The following SDK1 variants were observed in gnomAD, a reference collection of about 807,000 sequenced individuals.
SDK1 encodes the protein protein sidekick-1.
A neutral mutation model predicts 245.5 loss-of-function variants in SDK1; 157 were observed. The observed-to-expected ratio is 0.64, with a 90% CI of 0.56 to 0.73. The LOEUF is 0.73. Ranked by LOEUF, SDK1 falls within the 30% of genes least tolerant of loss-of-function variation. SDK1 has a pLI of 0.00. For missense variants in SDK1, 3,583 were observed against 3,002.3 expected, an observed-to-expected ratio of 1.19 and a Z score of -4.52; for synonymous variants, 1,647 against 1,278.5, an observed-to-expected ratio of 1.29 and a Z score of -6.15.
At chr7:3,751,111 C>T (rs1779761262) in intron 4 of SDK1, among the ~76,000 whole-genome samples, 1 of 152,158 alleles carries the variant, frequency 6.6e-6, no homozygotes, top group Non-Finnish European at 1.5e-5. Context: ...TGTTGTTGGT[C>T]CCACTCTTCC....
intron 1 of SDK1, among the ~76,000 whole-genome samples, chr7:3,414,426 C>T (rs908502614): frequency 6.6e-6 from 1 of 151,982 alleles, no homozygotes; most frequent in Non-Finnish European, 1.5e-5. Context: ...GAGCATCCAG[C>T]GAAGGTGGGT....
intron 4 of SDK1, among the ~76,000 whole-genome samples, chr7:3,775,172 A>G (rs1283613584): frequency 6.6e-6 from 1 of 152,242 alleles, no homozygotes. Context: ...GGTTTTCAGT[A>G]AATAAAGTTC....
intron 42 of SDK1, among the ~76,000 whole-genome samples, chr7:4,240,933 T>G (rs541546317): frequency 1.3e-5 from 2 of 152,286 alleles, no homozygotes; most frequent in South Asian, 4.1e-4. Flanking sequence ...ACGCGGGGGT[T>G]TGCAGGGTGG....
chr7:3,485,127 A>G (rs1781643551), intron 1 of SDK1, among the ~76,000 whole-genome samples: 2 of 152,288 alleles, frequency 1.3e-5, no homozygotes, highest in South Asian at 2.1e-4. Flanking sequence ...CCAAGACCGT[A>G]TGAACATTCT....
At chr7:4,008,734 G>C (rs1253103738) in intron 14 of SDK1, among the ~76,000 whole-genome samples, 1 of 152,106 alleles carries the variant, frequency 6.6e-6, no homozygotes, top group Non-Finnish European at 1.5e-5. Context: ...GGAAAGGGCA[G>C]CAGGGGGAAG....
intron 5 of SDK1, among the ~76,000 whole-genome samples, chr7:3,886,028 G>A (rs373495523): frequency 6.6e-6 from 1 of 152,160 alleles, no homozygotes; most frequent in African/African-American, 2.4e-5. Flanking sequence ...AGGCGGTGCC[G>A]TGCCACAGGG....
intron 5 of SDK1, among the ~76,000 whole-genome samples, chr7:3,840,552 G>C (rs763242295): frequency 6.6e-6 from 1 of 152,166 alleles, no homozygotes; most frequent in African/African-American, 2.4e-5. Context: ...GGGGCTCCAT[G>C]TCAGCCCTCC....
intron 44 of SDK1, among the ~76,000 whole-genome samples, chr7:4,248,829 CACAT>C (rs759656323): frequency 6.6e-6 from 1 of 152,138 alleles, no homozygotes; most frequent in Non-Finnish European, 1.5e-5. Context: ...ACATGGCTCA[CACAT>C]ACTACATGCA....
At chr7:3,306,344 T>C (rs924212014) in intron 1 of SDK1, among the ~76,000 whole-genome samples, 2 of 152,192 alleles carry the variant, frequency 1.3e-5, no homozygotes, top group Admixed American at 6.5e-5. Flanking sequence ...TTTCATAACA[T>C]AACATGAATT....
At chr7:4,000,925 C>G (rs1299206026) in intron 14 of SDK1, among the ~76,000 whole-genome samples, 2 of 152,068 alleles carry the variant, frequency 1.3e-5, no homozygotes, top group African/African-American at 4.8e-5. Context: ...GAAGGGGGGA[C>G]CATGGCTGTG....
intron 1 of SDK1, among the ~76,000 whole-genome samples, chr7:3,460,553 A>T (rs1244950827): frequency 6.6e-6 from 1 of 152,198 alleles, no homozygotes; most frequent in African/African-American, 2.4e-5. Flanking sequence ...TGTCATAATA[A>T]TTTATTTACA....
rs140745957 is a variant in SDK1 at position 3,583,536 on chromosome 7, A to G, written c.299-35544A>G. 3.5e-4 allele frequency among the ~76,000 whole-genome samples: 53 copies of G among 152,346 alleles called. 1 individual carries two copies. The East Asian group carries it at 0.01, about 29-fold the overall frequency. The stretch of plus-strand genomic sequence containing the variant: ...GAGAGGTTGCATCTGTCTAGTTCAT[A>G]GCACTGATTTCTTTATCATTCACTG... On this transcript the variant is annotated intron_variant, in intron 1 of 44. Transcript: ENST00000404826.
In SDK1 at chr7:3,595,845, A is replaced by C. The variant is rs1198619270; in HGVS notation, c.299-23235A>C. On this transcript the variant is annotated intron_variant, in intron 1 of 44. Coordinates refer to ENST00000404826, the MANE Select transcript of SDK1 (RefSeq NM_152744.4). ...CTTCATCTCAAAAAAAAAAAAAAAA[A>C]AAAAAAAAAAACAACAACAAAAAAG... Among the ~76,000 whole-genome samples the C allele has an allele frequency of 8.0e-5, 12 of 150,010 alleles. 1 individual carries two copies. The highest frequency in any genetic ancestry group is 2.2e-4 in the African/African-American group (9 of 40,998).
chr7:3,540,900 C>G (rs899728644), intron 1 of SDK1, among the ~76,000 whole-genome samples: 7 of 152,216 alleles, frequency 4.6e-5, no homozygotes, highest in African/African-American at 1.7e-4. Context: ...ATATCTTCAC[C>G]ATGATAGGGT....
chr7:4,021,587 C>G (rs1473435068), intron 17 of SDK1, among the ~76,000 whole-genome samples: 3 of 152,180 alleles, frequency 2.0e-5, no homozygotes, highest in Admixed American at 1.3e-4. Context: ...TAGCACGTGC[C>G]TCAGGTCACA....
intron 5 of SDK1, among the ~76,000 whole-genome samples, chr7:3,835,983 A>C (rs1216171565): frequency 1.3e-5 from 2 of 152,256 alleles, no homozygotes; most frequent in Admixed American, 6.5e-5. Context: ...GAAAGACTTC[A>C]CAATAGCTCT....
At chr7:3,663,255 T>A (rs1335262528) in intron 4 of SDK1, among the ~76,000 whole-genome samples, 1 of 152,226 alleles carries the variant, frequency 6.6e-6, no homozygotes, top group Non-Finnish European at 1.5e-5. Context: ...ATGATAATAG[T>A]ACAGTGTCCT....
chr7:4,253,959 C>CT (rs1326148587), intron 44 of SDK1, among the ~76,000 whole-genome samples: 1 of 151,642 alleles, frequency 6.6e-6, no homozygotes, highest in East Asian at 1.9e-4. Context: ...TTTTGATTTC[C>CT]TTGTTTTTGC....
In SDK1 at chr7:3,690,746, A is replaced by G. The variant is rs541913056; in HGVS notation, c.713+48641A>G. Among the ~76,000 whole-genome samples the G allele has an allele frequency of 6.1e-4, 93 of 152,346 alleles. 1 individual carries two copies. The highest frequency in any genetic ancestry group is 2.2e-3 in the African/African-American group (91 of 41,586). On this transcript the variant is annotated intron_variant, in intron 4 of 44. Transcript: ENST00000404826. ...TACTGATATATTTTTCAAGTTGATT[A>G]TAACTCTCTACTACAAGGTCAAAAT...
Sources: allele counts gnomAD v4.1 joint callset (sites outside exome capture counted in the v4.1 genomes callset), GRCh38; gene constraint gnomAD v4.1.1; transcripts MANE v1.5; gene names NCBI Gene and HGNC (gene_info 2026-07-23, HGNC 2026-07-21).